Variants in CNOT10 observed in about 807,000 individuals in gnomAD.
CNOT10 encodes CCR4-NOT transcription complex subunit 10.
In CNOT10, 30 loss-of-function variants were observed where a neutral mutation model predicts 94.6. The observed-to-expected ratio is 0.32, with a 90% CI of 0.24 to 0.43. The LOEUF is 0.43. Among genes scored for constraint, CNOT10 ranks in the 20% least tolerant of loss-of-function variants. The probability of loss-of-function intolerance (pLI) is 1.00; values close to 1 mark genes in which losing one functional copy is unlikely to be tolerated. For missense variants in CNOT10, 759 were observed against 877.2 expected, an observed-to-expected ratio of 0.87 and a Z score of 1.70; for synonymous variants, 289 against 301.6, an observed-to-expected ratio of 0.96 and a Z score of 0.43.
chr3:32,764,716 C>T lies in CNOT10; in HGVS notation c.1911C>T (p.Ser637=), dbSNP rs780914109. 20 of 1,614,044 alleles carry T rather than the reference C, an allele frequency of 1.2e-5. No individual in the cohort carries two copies. Among genetic ancestry groups the T allele is most frequent in the African/African-American group, 9.3e-5 (7 of 74,914 alleles). The change falls in exon 17 of 19, where the codon TCC becomes TCT. Residue 637 remains serine, a synonymous_variant. Coordinates refer to ENST00000328834, the MANE Select transcript of CNOT10 (RefSeq NM_015442.3). ...GGGCCCCTCAGTGCTACCCCAGTTC[C>T]GTCAACTCTGCCAGGACTGTGATGC... The part of the protein sequence containing the change: ...GKRAPQCYPS[S]VNSARTVMLF...
At position 32,727,697 on chromosome 3, in the gene CNOT10, A is replaced by T. The variant is rs11558687; in HGVS notation, c.1042A>T (p.Thr348Ser). The T allele has an allele frequency of 0.021, 33,304 of 1,613,720 alleles. 470 individuals are homozygous for T. The highest frequency in any genetic ancestry group is 0.054 in the African/African-American group (4,031 of 75,026). Reference protein sequence around the residue: ...GKKFSGRPMCTLLTNKRYELL... With the variant: ...GKKFSGRPMCSLLTNKRYELL... ...AAAATTTTCAGGAAGACCCATGTGT[A>T]CGTTACTAACCAATAAGAGATATGA... Residue 348 changes from threonine to serine, a missense_variant, in exon 10 of 19, where the codon ACG becomes TCG. Physicochemically the swap from Thr to Ser is moderately conservative, Grantham distance 58 (BLOSUM62 1). Around this residue, in one of 3 missense-constraint regions of CNOT10, gnomAD observed 682 missense variants for 799.4 expected, o/e 0.85. Coordinates refer to ENST00000328834, the MANE Select transcript of CNOT10 (RefSeq NM_015442.3).
rs1220764135 is a variant in CNOT10 at position 32,733,409 on chromosome 3, T to C, written c.1216-14T>C. 3 of 1,545,622 alleles carry C rather than the reference T, an allele frequency of 1.9e-6. No individual in the cohort carries two copies. Among genetic ancestry groups the C allele is most frequent in the South Asian group, 2.4e-5 (2 of 82,726 alleles). ...ATTCCCTTAAATTTATTGGAAATTATTTGTATTTTGTAGACTTCTGAACAA... is the reference window on the plus strand; with the variant it reads ...ATTCCCTTAAATTTATTGGAAATTACTTGTATTTTGTAGACTTCTGAACAA... On this transcript the variant is annotated splice_polypyrimidine_tract_variant and intron_variant, in intron 10 of 18. Coordinates refer to ENST00000328834, the MANE Select transcript of CNOT10 (RefSeq NM_015442.3).
At chr3:32,704,273 T>C (rs1260088396) in intron 2 of CNOT10, among the ~76,000 whole-genome samples, 1 of 152,182 alleles carries the variant, frequency 6.6e-6, no homozygotes, top group Admixed American at 6.5e-5. Flanking sequence ...TGTTCAATTC[T>C]TTTATTTATT....
At chr3:32,735,670 G>A (rs576398864) in intron 12 of CNOT10, among the ~76,000 whole-genome samples, 18 of 152,278 alleles carry the variant, frequency 1.2e-4, no homozygotes, top group Non-Finnish European at 2.1e-4. Flanking sequence ...TCATGCCACT[G>A]CACTCCATCC....
intron 13 of CNOT10, among the ~76,000 whole-genome samples, chr3:32,755,441 C>G (rs1204216456): frequency 6.6e-6 from 1 of 151,262 alleles, no homozygotes; most frequent in Non-Finnish European, 1.5e-5. Flanking sequence ...GCCTCAGCCT[C>G]CCAAGTAGCT....
At chr3:32,725,415 T>C in intron 8 of CNOT10, 35 bp from the exon 9 acceptor site, 1 of 1,597,856 alleles carries the variant, frequency 6.3e-7, no homozygotes, top group African/African-American at 1.3e-5. Flanking sequence ...ACATTAAAAT[T>C]TTTCTGTGGA....
chr3:32,770,485 C>T (rs969530435), intron 18 of CNOT10, among the ~76,000 whole-genome samples: 2 of 151,558 alleles, frequency 1.3e-5, no homozygotes, highest in Non-Finnish European at 2.9e-5. Context: ...GCCACCACGC[C>T]CACCTAATTT....
At chr3:32,726,682 C>T (rs1026614549) in intron 9 of CNOT10, among the ~76,000 whole-genome samples, 32 of 136,140 alleles carry the variant, frequency 2.4e-4, no homozygotes, top group African/African-American at 5.7e-4. Context: ...GGTGACAGAG[C>T]GAGACTCTGT....
chr3:32,732,606 G>GAA (rs537658250), intron 10 of CNOT10, among the ~76,000 whole-genome samples: 1 of 144,162 alleles, frequency 6.9e-6, no homozygotes, highest in Non-Finnish European at 1.5e-5. Context: ...AAAAAGAAAG[G>GAA]AAAAAAAAAA....
chr3:32,753,918 T>TCACA (rs146449669), intron 13 of CNOT10: 114,953 of 1,017,892 alleles, frequency 0.11, 6,527 homozygotes, highest in East Asian at 0.16. Flanking sequence ...TAATTTGCTC[T>TCACA]CACACACACA....
intron 1 of CNOT10, among the ~76,000 whole-genome samples, chr3:32,694,799 C>T (rs924786972): frequency 4.6e-5 from 7 of 152,100 alleles, no homozygotes; most frequent in Admixed American, 1.3e-4. Context: ...CCATGTTGGT[C>T]GGAATGCTCT....
At position 32,759,473 on chromosome 3, in the gene CNOT10, T is replaced by C. The variant is rs1346160876; in HGVS notation, c.1611T>C (p.Ala537=). 5 of 1,613,706 alleles carry C rather than the reference T, an allele frequency of 3.1e-6. No individual in the cohort carries two copies. Among genetic ancestry groups the C allele is most frequent in the Middle Eastern group, 1.6e-4 (1 of 6,062 alleles). Residue 537 remains alanine, a synonymous_variant, in exon 14 of 19, where the codon GCT becomes GCC. Transcript: ENST00000328834. ...TGTGTTATAGGTGCTCCATACTTGC[T>C]TGCAGTGCCTACGTGGCTCTGGCTT... is the stretch of plus-strand genomic sequence containing the variant. ...ELENLKCSIL[A]CSAYVALALG...
intron 13 of CNOT10, among the ~76,000 whole-genome samples, chr3:32,741,780 A>AAAAAAAAG (rs1699479601): frequency 6.6e-6 from 1 of 151,518 alleles, no homozygotes; most frequent in Non-Finnish European, 1.5e-5. Context: ...AAAAAAAAAA[A>AAAAAAAAG]AAACAGAAGA....
chr3:32,690,713 G>GT (rs1696811495), intron 1 of CNOT10, among the ~76,000 whole-genome samples: 1 of 151,406 alleles, frequency 6.6e-6, no homozygotes, highest in Non-Finnish European at 1.5e-5. Context: ...TGCCCGGCTA[G>GT]TTTTTTTGTA....
intron 5 of CNOT10, among the ~76,000 whole-genome samples, chr3:32,713,911 T>C (rs1473481416): frequency 1.3e-5 from 2 of 152,254 alleles, no homozygotes; most frequent in East Asian, 3.8e-4. Context: ...AAATTCTTTA[T>C]CAGTTGGTGG....
At chr3:32,727,982 T>C (rs1226090763) in intron 10 of CNOT10, 112 bp downstream of exon 10, 1 of 96,272 alleles carries the variant, frequency 1.0e-5, no homozygotes, top group African/African-American at 5.0e-5. Flanking sequence ...TTTCTCTTTT[T>C]ATTTATTTAT....
intron 13 of CNOT10, among the ~76,000 whole-genome samples, chr3:32,745,586 T>C (rs1466654227): frequency 6.6e-6 from 1 of 152,228 alleles, no homozygotes; most frequent in Non-Finnish European, 1.5e-5. Flanking sequence ...TAAAAGAATT[T>C]TATAGCAGCT....
At chr3:32,720,059 C>A in intron 7 of CNOT10, 55 bp from the exon 8 acceptor site, 1 of 846,224 alleles carries the variant, frequency 1.2e-6, no homozygotes, top group Non-Finnish European at 1.9e-6. Context: ...TAATTAAGAT[C>A]TTACATTAGG....
intron 1 of CNOT10, among the ~76,000 whole-genome samples, chr3:32,691,193 ACT>A (rs1696835810): frequency 8.2e-6 from 1 of 122,646 alleles, no homozygotes; most frequent in Admixed American, 1.0e-4. Context: ...ATGGAATCTC[ACT>A]CTGTTGCCCA....
Sources: allele counts gnomAD v4.1 joint callset (sites outside exome capture counted in the v4.1 genomes callset), GRCh38; gene constraint gnomAD v4.1.1; regional missense constraint gnomAD v4.1.1; transcripts MANE v1.5; gene names NCBI Gene and HGNC (gene_info 2026-07-23, HGNC 2026-07-21).